PSME4: variants seen among roughly 807,000 people sequenced by gnomAD.
PSME4 encodes the protein proteasome activator complex subunit 4.
In PSME4, 89 loss-of-function variants were observed where a neutral mutation model predicts 253.9. The observed-to-expected ratio is 0.35, with a 90% CI of 0.30 to 0.42. PSME4 has a LOEUF of 0.42. Among genes scored for constraint, PSME4 ranks in the 10% least tolerant of loss-of-function variants. The pLI, the probability that PSME4 is intolerant of heterozygous loss-of-function variation, is 1.00. For missense variants in PSME4, 2,014 were observed against 2,195.2 expected, an observed-to-expected ratio of 0.92 and a Z score of 1.65; for synonymous variants, 851 against 759.2, an observed-to-expected ratio of 1.12 and a Z score of -1.99.
chr2:53,925,388 C>T, intron 14 of PSME4, 151 bp downstream of exon 14: 1 of 787,630 alleles, frequency 1.3e-6, no homozygotes, highest in Non-Finnish European at 1.8e-6. Flanking sequence ...ACGAAATTTG[C>T]AAATAATGAG....
chr2:53,962,451 A>G (rs1670534386), intron 1 of PSME4, among the ~76,000 whole-genome samples: 1 of 152,016 alleles, frequency 6.6e-6, no homozygotes, highest in South Asian at 2.1e-4. Context: ...AACAACAGGT[A>G]TTTCAAATAC....
intron 41 of PSME4, among the ~76,000 whole-genome samples, chr2:53,884,035 C>T (rs1274600528): frequency 1.3e-5 from 2 of 152,140 alleles, no homozygotes; most frequent in Non-Finnish European, 1.5e-5. Context: ...TTTTAAACGC[C>T]TCTCTTTATC....
At chr2:53,958,140 C>G (rs998379288) in intron 1 of PSME4, among the ~76,000 whole-genome samples, 1 of 145,606 alleles carries the variant, frequency 6.9e-6, no homozygotes, top group South Asian at 2.2e-4. Context: ...GAGGCAAGAT[C>G]GCGCCACTGC....
At chr2:53,937,295 G>T in intron 5 of PSME4, 96 bp downstream of exon 5, 1 of 1,175,780 alleles carries the variant, frequency 8.5e-7, no homozygotes, top group Non-Finnish European at 1.2e-6. Flanking sequence ...GGCTGAACTT[G>T]CAAAATGATT....
At chr2:53,918,983 A>T (rs2104449689) in intron 20 of PSME4, among the ~76,000 whole-genome samples, 168 bp downstream of exon 20, 1 of 152,334 alleles carries the variant, frequency 6.6e-6, no homozygotes, top group South Asian at 2.1e-4. Context: ...TAAAGCCTTC[A>T]GGTTTATAAA....
At chr2:53,923,565 G>A in intron 14 of PSME4, 146 bp from the exon 15 acceptor site, 1 of 1,143,694 alleles carries the variant, frequency 8.7e-7, no homozygotes, top group Non-Finnish European at 1.2e-6. Context: ...ATAAGAATTT[G>A]TTTAATGATG....
chr2:53,928,325 T>A, intron 10 of PSME4, 22 bp from the exon 11 acceptor site: 2 of 1,593,282 alleles, frequency 1.3e-6, no homozygotes, highest in South Asian at 2.2e-5. Flanking sequence ...AAACAGAATT[T>A]TTAAAGTCTC....
In PSME4 at chr2:53,928,109, AT is replaced by A. The variant is rs749163700; in HGVS notation, c.1503+7del. 7.5e-6 allele frequency: 12 copies of A among 1,610,512 alleles called. No individual in the cohort carries two copies. The Admixed American group carries it at 2.0e-4, about 27-fold the overall frequency. On this transcript the variant is annotated splice_region_variant and intron_variant, in intron 11 of 46. Transcript: ENST00000404125. ...AAATACGGAGTGTATAATCACCAAT[AT>A]ACTCACCATGCATTTACTAAAGTCA...
intron 17 of PSME4, among the ~76,000 whole-genome samples, chr2:53,922,031 G>A (rs1488385302): frequency 6.6e-6 from 1 of 151,216 alleles, no homozygotes; most frequent in Admixed American, 6.6e-5. Flanking sequence ...AATTAGCCGG[G>A]CGTGGTGGCG....
chr2:53,927,636 G>A (rs1343542392), intron 11 of PSME4, among the ~76,000 whole-genome samples, 153 bp from the exon 12 acceptor site: 4 of 152,162 alleles, frequency 2.6e-5, no homozygotes, highest in African/African-American at 9.7e-5. Flanking sequence ...ATTGAACACT[G>A]TAAGGTTCTT....
intron 2 of PSME4, 76 bp from the exon 3 acceptor site, chr2:53,948,613 G>T: frequency 2.1e-6 from 2 of 937,256 alleles, no homozygotes; most frequent in South Asian, 1.4e-5. Flanking sequence ...TACTACACAG[G>T]GACAGTTAAA....
intron 4 of PSME4, 53 bp downstream of exon 4, chr2:53,939,903 T>G: frequency 6.9e-7 from 1 of 1,458,152 alleles, no homozygotes; most frequent in Non-Finnish European, 9.5e-7. Flanking sequence ...ACTAAAGATG[T>G]GGAAAAGCCC....
At chr2:53,970,110 A>G (rs1231863514) in intron 1 of PSME4, among the ~76,000 whole-genome samples, 3 of 152,190 alleles carry the variant, frequency 2.0e-5, no homozygotes, top group Non-Finnish European at 4.4e-5. Context: ...TCGTAGGGGA[A>G]GGAAGAACCG....
chr2:53,900,121 G>C (rs1680328318), intron 28 of PSME4, 104 bp from the exon 29 acceptor site: 1 of 1,043,916 alleles, frequency 9.6e-7, no homozygotes, highest in Non-Finnish European at 1.4e-6. Flanking sequence ...AGACACAAAA[G>C]TCCACATATT....
In PSME4 at chr2:53,906,636, T is replaced by A. The variant is rs757469679; in HGVS notation, c.2905A>T (p.Arg969Ter). ...EYKKIHQDMIRDLLRLSTSSY... is the reference protein window; with the variant it reads ...EYKKIHQDMI ...CTTGTAGATAAACGAAGAAGATCTC[T>A]GATCATATCTTGATGTATCTTTTTG... Residue 969 changes from arginine to a stop codon, truncating the protein, a stop_gained, in exon 26 of 47, where the codon AGA becomes TGA. Transcript: ENST00000404125. LOFTEE classifies it high-confidence loss of function. 1 of 1,602,474 alleles carries A rather than the reference T, an allele frequency of 6.2e-7. No homozygotes were observed. Among genetic ancestry groups the A allele is most frequent in the East Asian group, 2.2e-5 (1 of 44,758 alleles).
intron 4 of PSME4, among the ~76,000 whole-genome samples, chr2:53,937,789 G>A (rs1222875946): frequency 2.0e-5 from 3 of 152,076 alleles, no homozygotes; most frequent in Non-Finnish European, 4.4e-5. Context: ...CTTGAGCCCA[G>A]GAGTTCAAGA....
chr2:53,895,493 A>C, intron 33 of PSME4, 90 bp downstream of exon 33: 1 of 1,281,218 alleles, frequency 7.8e-7, no homozygotes. Flanking sequence ...AAGAACCTTC[A>C]AGTGCCTCTG....
At chr2:53,926,251 G>A (rs1214679662) in intron 12 of PSME4, among the ~76,000 whole-genome samples, 1 of 152,066 alleles carries the variant, frequency 6.6e-6, no homozygotes, top group African/African-American at 2.4e-5. Flanking sequence ...ATTTTACAAG[G>A]GCCAAATACA....
rs143202697 is a variant in PSME4, at chr2:53,909,017, A to G, written c.2573-177T>C. Among the ~76,000 whole-genome samples the G allele has an allele frequency of 4.3e-3, 658 of 152,188 alleles. 7 individuals are homozygous for G. Among genetic ancestry groups the G allele is most frequent in the African/African-American group, 0.015 (608 of 41,536 alleles). ...CTACAGCAACTTCTAAAACCTCTAC[A>G]CTTAAATGACCTGCTTATGAGATGT... On this transcript the variant is annotated intron_variant, in intron 21 of 46. Coordinates refer to ENST00000404125, the MANE Select transcript of PSME4 (RefSeq NM_014614.3).
Sources: allele counts gnomAD v4.1 joint callset (sites outside exome capture counted in the v4.1 genomes callset), GRCh38; gene constraint gnomAD v4.1.1; transcripts MANE v1.5; gene names NCBI Gene and HGNC (gene_info 2026-07-23, HGNC 2026-07-21).